COBL: variants seen among roughly 807,000 people sequenced by gnomAD.
COBL encodes the protein protein cordon-bleu.
Under a neutral mutation model 98.8 loss-of-function variants are expected in COBL, and 51 were observed. The observed-to-expected ratio is 0.52, with a 90% CI of 0.41 to 0.65. COBL has a LOEUF of 0.65. Among genes scored for constraint, COBL ranks in the 30% least tolerant of loss-of-function variants. The pLI, the probability that COBL is intolerant of heterozygous loss-of-function variation, is 0.00. For missense variants in COBL, 1,617 were observed against 1,617.5 expected (o/e 1.00, Z 0.01); for synonymous variants, 634 against 651.7 (o/e 0.97, Z 0.41).
At chr7:51,059,507 C>A (rs1477195929) in intron 7 of COBL, among the ~76,000 whole-genome samples, 1 of 152,056 alleles carries the variant, frequency 6.6e-6, no homozygotes, top group African/African-American at 2.4e-5. Context: ...GCAGAAACTG[C>A]AATCTTAAGG....
chr7:51,165,956 C>T (rs1342482382), intron 5 of COBL, among the ~76,000 whole-genome samples: 1 of 151,888 alleles, frequency 6.6e-6, no homozygotes, highest in Non-Finnish European at 1.5e-5. Context: ...CTATGGGATA[C>T]AGCAAAAGGA....
chr7:51,089,647 C>T (rs764571464), intron 6 of COBL, among the ~76,000 whole-genome samples: 1 of 152,134 alleles, frequency 6.6e-6, no homozygotes, highest in Non-Finnish European at 1.5e-5. Context: ...GAGGGAGAGA[C>T]ATAGATTTGT....
intron 2 of COBL, among the ~76,000 whole-genome samples, chr7:51,215,686 G>T (rs75863606): frequency 6.6e-6 from 1 of 152,258 alleles, no homozygotes; most frequent in African/African-American, 2.4e-5. Flanking sequence ...TGGCAGCAAA[G>T]CTGTCCTCTC....
At chr7:51,260,306 C>T (rs1219798870) in intron 1 of COBL, 4 of 450,882 alleles carry the variant, frequency 8.9e-6, no homozygotes, top group Non-Finnish European at 1.6e-5. Flanking sequence ...ATTTATAGAA[C>T]AGGATAATAT....
chr7:51,231,489 A>C (rs1794748523), intron 1 of COBL, among the ~76,000 whole-genome samples: 1 of 152,236 alleles, frequency 6.6e-6, no homozygotes, highest in Non-Finnish European at 1.5e-5. Flanking sequence ...GGAGCTGCAG[A>C]ACTGCAGGCC....
intron 2 of COBL, among the ~76,000 whole-genome samples, chr7:51,212,917 A>C (rs1455338381): frequency 6.6e-6 from 1 of 152,094 alleles, no homozygotes; most frequent in Non-Finnish European, 1.5e-5. Flanking sequence ...GAATTGCTAG[A>C]CTCTAAGTAC....
chr7:51,192,928 A>G (rs185105833), intron 3 of COBL, among the ~76,000 whole-genome samples: 579 of 152,288 alleles, frequency 3.8e-3, no homozygotes, highest in Admixed American at 6.5e-3. Flanking sequence ...CAGTTTCTCA[A>G]TCATACCTGC....
intron 7 of COBL, among the ~76,000 whole-genome samples, chr7:51,073,708 C>T (rs1295401): frequency 2.6e-5 from 4 of 151,698 alleles, no homozygotes; most frequent in African/African-American, 7.3e-5. Context: ...CCTTACAAGC[C>T]GAGACACGAA....
chr7:51,098,944 A>C (rs191276394), intron 6 of COBL, among the ~76,000 whole-genome samples: 142 of 152,306 alleles, frequency 9.3e-4, no homozygotes, highest in Non-Finnish European at 4.4e-4. Context: ...ACAAAGAGGC[A>C]AAGAATTTGA....
intron 1 of COBL, among the ~76,000 whole-genome samples, chr7:51,282,275 T>C (rs1799879172): frequency 1.3e-5 from 2 of 152,102 alleles, no homozygotes. Flanking sequence ...ATGTAAATGG[T>C]CTAAACAATC....
intron 1 of COBL, among the ~76,000 whole-genome samples, chr7:51,308,727 G>A (rs559551677): frequency 1.3e-5 from 2 of 152,270 alleles, no homozygotes; most frequent in Non-Finnish European, 2.9e-5. Context: ...ATTGGGGGCT[G>A]GGGGATCCTC....
intron 7 of COBL, among the ~76,000 whole-genome samples, chr7:51,056,676 T>TA (rs1341665706): frequency 6.6e-6 from 1 of 152,230 alleles, no homozygotes; most frequent in African/African-American, 2.4e-5. Context: ...ATTGAAAAGA[T>TA]ACTCTAATCG....
At chr7:51,141,633 CTTT>C (rs57941852) in intron 5 of COBL, among the ~76,000 whole-genome samples, 1 of 142,500 alleles carries the variant, frequency 7.0e-6, no homozygotes, top group Admixed American at 7.1e-5. Flanking sequence ...GGCTTTACAA[CTTT>C]TTTTTTTTTT....
chr7:51,123,649 G>A (rs748796974), intron 6 of COBL, among the ~76,000 whole-genome samples: 1 of 152,230 alleles, frequency 6.6e-6, no homozygotes, highest in Non-Finnish European at 1.5e-5. Context: ...CCTTCAAGAA[G>A]ATGCATACAA....
chr7:51,090,391 C>T (rs1305374300), intron 6 of COBL, among the ~76,000 whole-genome samples: 1 of 152,206 alleles, frequency 6.6e-6, no homozygotes, highest in Non-Finnish European at 1.5e-5. Flanking sequence ...CTGTGACAGC[C>T]CTTCCCCTAA....
intron 1 of COBL, among the ~76,000 whole-genome samples, chr7:51,231,283 C>T (rs1443719323): frequency 6.6e-6 from 1 of 152,234 alleles, no homozygotes; most frequent in Non-Finnish European, 1.5e-5. Flanking sequence ...CCCCAGTGTG[C>T]TTCCCTTCCC....
At chr7:51,155,537 C>T (rs189478423) in intron 5 of COBL, among the ~76,000 whole-genome samples, 332 of 126,820 alleles carry the variant, frequency 2.6e-3, no homozygotes, top group African/African-American at 9.5e-3. Flanking sequence ...TTGCAGTGAG[C>T]TGAGATCATG....
At chr7:51,261,134 T>C (rs1192863473) in intron 1 of COBL, among the ~76,000 whole-genome samples, 1 of 152,110 alleles carries the variant, frequency 6.6e-6, no homozygotes, top group Non-Finnish European at 1.5e-5. Context: ...CCGTACACAG[T>C]AGATGGCTTA....
At chr7:51,220,646 A>G (rs768057124) in intron 1 of COBL, among the ~76,000 whole-genome samples, 13 of 152,036 alleles carry the variant, frequency 8.6e-5, no homozygotes, top group Non-Finnish European at 1.3e-4. Flanking sequence ...ACTGAGGAAC[A>G]TTTTCTTTTA....
Sources: gnomAD v4.1 joint callset for allele counts (sites outside exome capture counted in the v4.1 genomes callset) on GRCh38, gnomAD v4.1.1 for gene constraint, MANE v1.5 for transcripts, NCBI Gene and HGNC (gene_info 2026-07-23, HGNC 2026-07-21) for gene names.